The following ACACA variants were observed in gnomAD, a reference collection of about 807,000 sequenced individuals.
The protein encoded by ACACA is acetyl-CoA carboxylase alpha.
ACACA carries 103 observed loss-of-function variants against 296.1 expected under a neutral mutation model. The observed-to-expected ratio is 0.35, with a 90% confidence interval of 0.30 to 0.41. The LOEUF (loss-of-function observed/expected upper bound fraction) is 0.41, where lower values mean the gene tolerates loss of function less well. ACACA is among the 10% of genes least tolerant of loss of function. ACACA has a pLI of 1.00. For synonymous variants in ACACA, 953 were observed against 1,038.6 expected (o/e 0.92, Z 1.58); for missense variants, 1,554 against 2,989.7 (o/e 0.52, Z 11.20).
At chr17:37,366,226 A>C (rs1321703137) in intron 1 of ACACA, among the ~76,000 whole-genome samples, 1 of 151,944 alleles carries the variant, frequency 6.6e-6, no homozygotes, top group Non-Finnish European at 1.5e-5. Flanking sequence ...CATCATTCCT[A>C]TATCAGGTTC....
chr17:37,178,670 G>A (rs1212974556), intron 41 of ACACA, among the ~76,000 whole-genome samples: 1 of 152,074 alleles, frequency 6.6e-6, no homozygotes, highest in Non-Finnish European at 1.5e-5. Flanking sequence ...GTGTAGTGGT[G>A]CACACCTGTA....
In ACACA at chr17:37,330,197, T is replaced by G; in HGVS notation, c.314A>C (p.Gln105Pro). The G allele has an allele frequency of 1.9e-6, 3 of 1,614,224 alleles. No individual in the cohort carries two copies. Among genetic ancestry groups the G allele is most frequent in the Non-Finnish European group, 2.5e-6 (3 of 1,180,044 alleles). ...TLSDLGISSL[Q>P]DGLALHIRSS... ...CCTTATGTGCAAGGCCAAGCCATCC[T>G]GTAGGCTAGAGATCCCCAAATCAGA... The change falls in exon 3 of 56, where the codon CAG becomes CCG. Residue 105 changes from glutamine (Q) to proline (P), a missense_variant. By Grantham distance (76) the Gln-to-Pro change is moderately conservative (BLOSUM62 -1). This residue lies in a region of ACACA where 140 missense variants were observed against 147.7 expected (regional missense o/e 0.95). Coordinates refer to ENST00000616317, the MANE Select transcript of ACACA (RefSeq NM_198834.3).
intron 52 of ACACA, among the ~76,000 whole-genome samples, chr17:37,099,100 G>C (rs1193311601): frequency 6.6e-6 from 1 of 152,196 alleles, no homozygotes; most frequent in African/African-American, 2.4e-5. Flanking sequence ...ATGCCTGTCT[G>C]GGAACAGGCC....
chr17:37,096,699 C>T (rs1024783717), intron 54 of ACACA, among the ~76,000 whole-genome samples: 6 of 152,168 alleles, frequency 3.9e-5, no homozygotes, highest in African/African-American at 4.8e-5. Flanking sequence ...ACAACATTTG[C>T]CTCTTTCACT....
chr17:37,406,251 T>C lies in ACACA; in HGVS notation c.38+11A>G, dbSNP rs369312038. The stretch of plus-strand genomic sequence containing the variant: ...TCATTAACAGCAGTAATAAGAGATC[T>C]TGGGACATACCTAGCCCTCAAGATT... On this transcript the variant is annotated intron_variant, in intron 1 of 55. Transcript: ENST00000616317. 5.0e-6 allele frequency: 8 copies of C among 1,613,894 alleles called. No homozygotes were observed. Among genetic ancestry groups the C allele is most frequent in the Non-Finnish European group, 6.8e-6 (8 of 1,179,922 alleles).
intron 3 of ACACA, chr17:37,289,605 A>AT: frequency 1.3e-6 from 1 of 790,672 alleles, no homozygotes; most frequent in South Asian, 1.3e-5. Context: ...CCATTACCCC[A>AT]TATACATTTA....
chr17:37,216,789 ATACAGGTCTTC>A (rs1198573173), intron 29 of ACACA, among the ~76,000 whole-genome samples: 1 of 151,950 alleles, frequency 6.6e-6, no homozygotes, highest in Non-Finnish European at 1.5e-5. Context: ...AATAAGTAAG[ATACAGGTCTTC>A]AATCCCAACA....
chr17:37,281,300 C>T (rs1567935331), intron 5 of ACACA, among the ~76,000 whole-genome samples: 1 of 152,018 alleles, frequency 6.6e-6, no homozygotes, highest in South Asian at 2.1e-4. Context: ...CTCAAGTGAT[C>T]CACCCGCTTG....
At chr17:37,367,139 C>T (rs2049636899) in intron 1 of ACACA, 1 of 150,926 alleles carries the variant, frequency 6.6e-6, no homozygotes, top group Non-Finnish European at 1.5e-5. Flanking sequence ...ACTCCTAGAC[C>T]TGCAGGTAGA....
At chr17:37,228,054 A>G (rs2079633134) in intron 25 of ACACA, among the ~76,000 whole-genome samples, 2 of 152,034 alleles carry the variant, frequency 1.3e-5, no homozygotes, top group Non-Finnish European at 1.5e-5. Context: ...TCCCCATCTC[A>G]GGGATACTCT....
chr17:37,208,159 C>G (rs892970810), intron 30 of ACACA, among the ~76,000 whole-genome samples: 2 of 152,072 alleles, frequency 1.3e-5, no homozygotes, highest in African/African-American at 4.8e-5. Flanking sequence ...CTAAAGCATT[C>G]CCTCCTTTAA....
intron 16 of ACACA, among the ~76,000 whole-genome samples, chr17:37,249,609 T>A (rs2080883065): frequency 6.6e-6 from 1 of 152,222 alleles, no homozygotes; most frequent in African/African-American, 2.4e-5. Flanking sequence ...TGATTAGTGA[T>A]GTTGCGCATG....
At chr17:37,320,921 T>C (rs2047326365) in intron 3 of ACACA, among the ~76,000 whole-genome samples, 1 of 150,160 alleles carries the variant, frequency 6.7e-6, no homozygotes. Flanking sequence ...CACTCCAGCC[T>C]GGGCAACAGA....
In ACACA at chr17:37,162,494, G is replaced by T. The variant is rs73982249; in HGVS notation, c.5080-444C>A. 189 of 291,784 alleles carry T rather than the reference G, an allele frequency of 6.5e-4. 1 individual carries two copies. The highest frequency in any genetic ancestry group is 4.1e-3 in the African/African-American group (184 of 44,952). The allele number at this position is 291,784 out of a possible 1,614,324, so 18.1% of individuals were successfully genotyped here. A position where few individuals can be genotyped will look rare whatever the true frequency, so the allele number is the denominator to read the frequency against. On this transcript the variant is annotated intron_variant, in intron 41 of 55. Coordinates refer to ENST00000616317, the MANE Select transcript of ACACA (RefSeq NM_198834.3). ...GGTGGGGCCTGGTGTGAGGTGTTTG[G>T]GTCATGGGGTGGATCCCTCATGAAT...
intron 3 of ACACA, among the ~76,000 whole-genome samples, chr17:37,314,700 G>T (rs1203194934): frequency 6.8e-6 from 1 of 147,956 alleles, no homozygotes; most frequent in African/African-American, 2.5e-5. Flanking sequence ...AAGTACAGTG[G>T]CACAATCTTG....
chr17:37,201,608 A>G (rs1206748110), intron 33 of ACACA, among the ~76,000 whole-genome samples: 1 of 152,152 alleles, frequency 6.6e-6, no homozygotes, highest in Non-Finnish European at 1.5e-5. Flanking sequence ...GAGGTCCCCA[A>G]CAAAGAAGGA....
At chr17:37,256,204 C>T (rs754504133) in intron 14 of ACACA, among the ~76,000 whole-genome samples, 3 of 152,146 alleles carry the variant, frequency 2.0e-5, no homozygotes, top group African/African-American at 7.2e-5. Context: ...CCCATCAAAA[C>T]ACATCTGTAT....
chr17:37,248,533 T>G, intron 17 of ACACA, 60 bp downstream of exon 17: 1 of 1,312,470 alleles, frequency 7.6e-7, no homozygotes, highest in East Asian at 2.3e-5. Flanking sequence ...CTCCTGCCTC[T>G]CAACCTAAAG....
At position 37,373,286 on chromosome 17, in the gene ACACA, C is replaced by T. The variant is rs371144729; in HGVS notation, c.38+32976G>A. Among the ~76,000 whole-genome samples, 4 of 151,958 alleles carry T rather than the reference C, an allele frequency of 2.6e-5. No homozygotes were observed. In the South Asian group the frequency reaches 6.2e-4, roughly 24 times the overall value. On this transcript the variant is annotated intron_variant, in intron 1 of 55. Coordinates refer to ENST00000616317, the MANE Select transcript of ACACA (RefSeq NM_198834.3). ...TTTTTTAAATGGAGTCTTGCTCTGT[C>T]GCTTAGGATGGAGAGCAGTGGTGTG...
Sources: allele counts gnomAD v4.1 joint callset (sites outside exome capture counted in the v4.1 genomes callset), GRCh38; gene constraint gnomAD v4.1.1; regional missense constraint gnomAD v4.1.1; transcripts MANE v1.5; gene names NCBI Gene and HGNC (gene_info 2026-07-23, HGNC 2026-07-21).